NLGN1: variants seen among roughly 807,000 people sequenced by gnomAD.
NLGN1 encodes neuroligin 1.
NLGN1 carries 12 observed loss-of-function variants against 65.5 expected under a neutral mutation model. The ratio of observed to expected loss-of-function variants is 0.18; its 90% CI spans 0.12 to 0.30. NLGN1 has a LOEUF of 0.30. NLGN1 is among the 10% of genes least tolerant of loss of function. NLGN1 has a pLI of 1.00. For missense variants in NLGN1, 750 were observed against 1,007.1 expected (o/e 0.74, Z 3.46); for synonymous variants, 350 against 359.5 (o/e 0.97, Z 0.30).
At chr3:173,967,735 T>C (rs546825466) in intron 4 of NLGN1, among the ~76,000 whole-genome samples, 5 of 152,210 alleles carry the variant, frequency 3.3e-5, no homozygotes, top group Non-Finnish European at 7.3e-5. Context: ...TCTGAACTTA[T>C]CAGTTCAATG....
At chr3:173,564,476 A>T (rs1014590875) in intron 2 of NLGN1, among the ~76,000 whole-genome samples, 1 of 152,242 alleles carries the variant, frequency 6.6e-6, no homozygotes, top group Non-Finnish European at 1.5e-5. Flanking sequence ...TTACACTGCC[A>T]TGTGCTCTTG....
chr3:173,723,523 A>G (rs1022066979), intron 3 of NLGN1, among the ~76,000 whole-genome samples: 2 of 152,202 alleles, frequency 1.3e-5, no homozygotes, highest in African/African-American at 4.8e-5. Flanking sequence ...AAGATATTAA[A>G]TTCAAATGTG....
intron 4 of NLGN1, among the ~76,000 whole-genome samples, chr3:173,934,638 C>T (rs1744724516): frequency 6.6e-6 from 1 of 151,982 alleles, no homozygotes; most frequent in Non-Finnish European, 1.5e-5. Context: ...TGATCTTTTA[C>T]ACCCTGAAAA....
intron 4 of NLGN1, among the ~76,000 whole-genome samples, chr3:174,190,483 T>G (rs1219060413): frequency 6.6e-6 from 1 of 151,996 alleles, no homozygotes; most frequent in Non-Finnish European, 1.5e-5. Context: ...AAAATTAAAC[T>G]TATTAGACTT....
chr3:174,095,240 T>C (rs1200950633), intron 4 of NLGN1, among the ~76,000 whole-genome samples: 1 of 145,686 alleles, frequency 6.9e-6, no homozygotes, highest in African/African-American at 2.6e-5. Flanking sequence ...AAAAAAACCA[T>C]AAAGTTGCTT....
chr3:173,520,072 C>T (rs2149131620), intron 2 of NLGN1, among the ~76,000 whole-genome samples: 1 of 152,206 alleles, frequency 6.6e-6, no homozygotes, highest in African/African-American at 2.4e-5. Context: ...TAGCACCTTC[C>T]TCCTCTCTCT....
At chr3:173,715,614 C>T (rs1047689339) in intron 3 of NLGN1, among the ~76,000 whole-genome samples, 5 of 152,058 alleles carry the variant, frequency 3.3e-5, no homozygotes, top group African/African-American at 7.2e-5. Flanking sequence ...TTTATTTTCT[C>T]TTCATTTTCT....
At chr3:173,657,349 T>C (rs1760212511) in intron 3 of NLGN1, among the ~76,000 whole-genome samples, 1 of 152,052 alleles carries the variant, frequency 6.6e-6, no homozygotes, top group Non-Finnish European at 1.5e-5. Context: ...GAATTGGTTT[T>C]TGACCTTCTT....
intron 2 of NLGN1, among the ~76,000 whole-genome samples, chr3:173,516,690 G>T (rs772454545): frequency 2.0e-5 from 3 of 151,996 alleles, no homozygotes; most frequent in African/African-American, 7.2e-5. Context: ...CAAGAAATCT[G>T]CCTAGCTGAT....
chr3:173,765,052 A>ATGTGTG (rs55747253), intron 3 of NLGN1, among the ~76,000 whole-genome samples: 30 of 136,288 alleles, frequency 2.2e-4, no homozygotes, highest in South Asian at 4.9e-4. Flanking sequence ...CTGTGGGTGC[A>ATGTGTG]TGTGTGTGTG....
At chr3:174,246,415 C>CTAA (rs1377915021) in intron 4 of NLGN1, among the ~76,000 whole-genome samples, 4 of 152,118 alleles carry the variant, frequency 2.6e-5, no homozygotes, top group Non-Finnish European at 5.9e-5. Flanking sequence ...TAGGATGACC[C>CTAA]TAATTCCATT....
chr3:173,995,665 C>CTTTTTTTTTTTTTTTTTCTTTTTTTTT (rs66538676), intron 4 of NLGN1, among the ~76,000 whole-genome samples: 1 of 139,618 alleles, frequency 7.2e-6, no homozygotes. Context: ...TTCTTTCATT[C>CTTTTTTTTTTTTTTTTTCTTTTTTTTT]TTTTTTTTTT....
At chr3:173,707,523 A>C (rs1027711869) in intron 3 of NLGN1, among the ~76,000 whole-genome samples, 1 of 152,008 alleles carries the variant, frequency 6.6e-6, no homozygotes, top group East Asian at 1.9e-4. Context: ...ATTATTACAA[A>C]TAAGATTTCT....
chr3:174,288,482 T>C (rs1752374291), downstream of NLGN1, among the ~76,000 whole-genome samples: 1 of 151,502 alleles, frequency 6.6e-6, no homozygotes, highest in East Asian at 1.9e-4. Context: ...CTTCTTTATA[T>C]TGATTTCTTG....
chr3:174,084,717 A>T (rs954712880), intron 4 of NLGN1, among the ~76,000 whole-genome samples: 8 of 152,086 alleles, frequency 5.3e-5, no homozygotes, highest in Non-Finnish European at 1.2e-4. Flanking sequence ...TAATGCTCCA[A>T]ATTCTTCCTG....
intron 2 of NLGN1, among the ~76,000 whole-genome samples, chr3:173,508,506 A>T (rs75917455): frequency 0.021 from 3,147 of 152,252 alleles, 47 homozygotes; most frequent in Non-Finnish European, 0.032. Context: ...CGTATTATAC[A>T]TCTGCAGGAA....
At chr3:173,878,500 G>A (rs950727590) in intron 4 of NLGN1, among the ~76,000 whole-genome samples, 5 of 151,668 alleles carry the variant, frequency 3.3e-5, no homozygotes, top group Non-Finnish European at 2.9e-5. Flanking sequence ...GTATCTTTTT[G>A]AAAAATTGGC....
chr3:174,283,283 T>G (rs1024182792), exon 7 of NLGN1: 4 of 151,468 alleles, frequency 2.6e-5, no homozygotes, highest in Non-Finnish European at 4.4e-5. Context: ...TCATCTAAGA[T>G]GAAACTCATA....
intron 3 of NLGN1, chr3:173,644,639 C>G (rs1757962258): frequency 6.4e-6 from 1 of 155,842 alleles, no homozygotes; most frequent in African/African-American, 2.4e-5. Flanking sequence ...CGCACTCTGC[C>G]CCTGCTTCAG....
Sources: allele counts gnomAD v4.1 joint callset (sites outside exome capture counted in the v4.1 genomes callset), GRCh38; gene constraint gnomAD v4.1.1; transcripts MANE v1.5; gene names NCBI Gene and HGNC (gene_info 2026-07-23, HGNC 2026-07-21).